NPAS3: variants seen among roughly 807,000 people sequenced by gnomAD.
NPAS3 encodes neuronal PAS domain protein 3.
Under a neutral mutation model 73.1 loss-of-function variants are expected in NPAS3, and 14 were observed. The observed-to-expected ratio is 0.19, with a 90% CI of 0.13 to 0.30. NPAS3 has a LOEUF of 0.30. Among genes scored for constraint, NPAS3 ranks in the 10% least tolerant of loss-of-function variants. NPAS3 has a pLI of 1.00. For missense variants in NPAS3, 1,096 were observed against 1,250.0 expected (o/e 0.88, Z 1.86); for synonymous variants, 620 against 541.5 (o/e 1.14, Z -2.01).
intron 2 of NPAS3, among the ~76,000 whole-genome samples, chr14:33,166,861 TTAAC>T (rs1203996811): frequency 6.6e-6 from 1 of 152,182 alleles, no homozygotes; most frequent in Admixed American, 6.5e-5. Context: ...GAGGAAAAGG[TTAAC>T]TAAGGTTAAA....
chr14:33,773,024 G>T (rs115305692), intron 7 of NPAS3, among the ~76,000 whole-genome samples: 8 of 152,310 alleles, frequency 5.3e-5, no homozygotes, highest in African/African-American at 1.9e-4. Flanking sequence ...TGTAAGCTTT[G>T]ATCCTGCTTC....
chr14:33,298,308 A>G (rs1014881026), intron 3 of NPAS3, among the ~76,000 whole-genome samples: 30 of 152,160 alleles, frequency 2.0e-4, no homozygotes, highest in Non-Finnish European at 4.4e-5. Context: ...TTTTTGAGGC[A>G]CTTCCTGCAG....
At chr14:33,198,828 C>T (rs1299678888) in intron 2 of NPAS3, among the ~76,000 whole-genome samples, 1 of 152,224 alleles carries the variant, frequency 6.6e-6, no homozygotes, top group South Asian at 2.1e-4. Flanking sequence ...CGCTGGAGCC[C>T]ACTGTGGGGG....
chr14:33,166,090 C>T (rs986453293), intron 2 of NPAS3, among the ~76,000 whole-genome samples: 1 of 152,318 alleles, frequency 6.6e-6, no homozygotes, highest in South Asian at 2.1e-4. Context: ...CGGTGCTGTG[C>T]TGTTGATAAG....
intron 6 of NPAS3, among the ~76,000 whole-genome samples, chr14:33,692,880 C>T (rs1033870938): frequency 4.8e-5 from 6 of 125,712 alleles, no homozygotes; most frequent in East Asian, 2.7e-4. Context: ...AGTTAATTTG[C>T]GTAGACTTTA....
chr14:33,517,200 T>G (rs948034499), intron 4 of NPAS3, among the ~76,000 whole-genome samples: 1 of 152,058 alleles, frequency 6.6e-6, no homozygotes, highest in Non-Finnish European at 1.5e-5. Context: ...CAGGTGATTG[T>G]AGTTCGCTTA....
chr14:33,113,499 A>G (rs906025539), intron 2 of NPAS3, among the ~76,000 whole-genome samples: 3 of 152,060 alleles, frequency 2.0e-5, no homozygotes, highest in African/African-American at 4.8e-5. Flanking sequence ...AATGCTCGTG[A>G]TTTTTGCACA....
intron 4 of NPAS3, among the ~76,000 whole-genome samples, chr14:33,551,878 A>G (rs2055134180): frequency 6.6e-6 from 1 of 152,184 alleles, no homozygotes; most frequent in Admixed American, 6.5e-5. Context: ...CCAAAACAAC[A>G]CCAACCTGCA....
At chr14:33,184,196 C>T (rs12891496) in intron 2 of NPAS3, among the ~76,000 whole-genome samples, 91,773 of 152,042 alleles carry the variant, frequency 0.6, 29,363 homozygotes, top group Non-Finnish European at 0.71. Context: ...ACAGAGCCTC[C>T]TGGGAGAACA....
intron 1 of NPAS3, among the ~76,000 whole-genome samples, chr14:32,980,138 A>G (rs969525739): frequency 1.3e-5 from 2 of 152,180 alleles, no homozygotes; most frequent in African/African-American, 4.8e-5. Context: ...ATTAAAAACT[A>G]ATGTAAGAAA....
At chr14:33,278,182 T>A (rs1013673591) in intron 3 of NPAS3, among the ~76,000 whole-genome samples, 3 of 152,140 alleles carry the variant, frequency 2.0e-5, no homozygotes, top group African/African-American at 7.2e-5. Flanking sequence ...GAGTTTGGAA[T>A]GGAGGGAATC....
chr14:33,708,567 A>G (rs2060725371), intron 6 of NPAS3, among the ~76,000 whole-genome samples: 1 of 152,170 alleles, frequency 6.6e-6, no homozygotes, highest in East Asian at 1.9e-4. Flanking sequence ...GGAGAAAACC[A>G]ATACAGGCTT....
intron 3 of NPAS3, among the ~76,000 whole-genome samples, chr14:33,353,850 T>C (rs1417439075): frequency 6.6e-6 from 1 of 152,144 alleles, no homozygotes; most frequent in Non-Finnish European, 1.5e-5. Context: ...CAATGATGGC[T>C]TGGGTTTAGA....
intron 3 of NPAS3, among the ~76,000 whole-genome samples, chr14:33,330,644 G>C (rs2043942469): frequency 1.3e-5 from 2 of 152,158 alleles, no homozygotes; most frequent in African/African-American, 2.4e-5. Flanking sequence ...TTACTTTTCT[G>C]TCTCCATAGG....
intron 3 of NPAS3, among the ~76,000 whole-genome samples, chr14:33,267,053 A>T (rs1444477540): frequency 4.6e-5 from 7 of 152,158 alleles, no homozygotes; most frequent in Non-Finnish European, 8.8e-5. Context: ...TGTCATTTTT[A>T]CCCTGTAGTT....
At chr14:33,039,133 T>C (rs2040267437) in intron 1 of NPAS3, among the ~76,000 whole-genome samples, 1 of 152,156 alleles carries the variant, frequency 6.6e-6, no homozygotes, top group Admixed American at 6.5e-5. Context: ...TTTCATTGAG[T>C]GATCTATAGC....
At position 33,594,651 on chromosome 14, in the gene NPAS3, A is replaced by C. The variant is rs753101101; in HGVS notation, c.558+34441A>C. On this transcript the variant is annotated intron_variant, in intron 5 of 11. Transcript: ENST00000356141. ...CCAGGAAGAAGCACTGATGCTCTTT[A>C]GTTCTCAGCCCTGAGAAAACCACAC... Among the ~76,000 whole-genome samples the C allele has an allele frequency of 5.9e-5, 9 of 152,256 alleles. No homozygotes were observed. In the Middle Eastern group the frequency reaches 0.01, roughly 173 times the overall value.
intron 3 of NPAS3, among the ~76,000 whole-genome samples, chr14:33,326,514 A>C (rs529829403): frequency 6.6e-6 from 1 of 152,300 alleles, no homozygotes; most frequent in East Asian, 1.9e-4. Flanking sequence ...GTTTTCGTTT[A>C]CTTTTTAAAT....
intron 4 of NPAS3, among the ~76,000 whole-genome samples, chr14:33,536,398 T>C (rs1030293947): frequency 3.3e-5 from 5 of 152,220 alleles, no homozygotes; most frequent in Admixed American, 6.5e-5. Flanking sequence ...AGTAGAAGAA[T>C]AGAGTCATAA....
Sources: allele counts gnomAD v4.1 joint callset (sites outside exome capture counted in the v4.1 genomes callset), GRCh38; gene constraint gnomAD v4.1.1; transcripts MANE v1.5; gene names NCBI Gene and HGNC (gene_info 2026-07-23, HGNC 2026-07-21).